The following AKT3 variants were observed in gnomAD, a reference collection of about 807,000 sequenced individuals.
AKT3 encodes RAC-gamma serine/threonine-protein kinase.
A neutral mutation model predicts 65.3 loss-of-function variants in AKT3; 15 were observed. That is an observed-to-expected ratio of 0.23 (90% CI 0.15 to 0.35). The LOEUF is 0.35. AKT3 is among the 10% of genes least tolerant of loss of function. AKT3 has a pLI of 1.00. For synonymous variants in AKT3, 206 were observed against 183.8 expected (o/e 1.12, Z -0.98); for missense variants, 243 against 576.5 (o/e 0.42, Z 5.92).
intron 8 of AKT3, among the ~76,000 whole-genome samples, chr1:243,590,932 T>G (rs538664420): frequency 6.6e-6 from 1 of 152,298 alleles, no homozygotes; most frequent in South Asian, 2.1e-4. Context: ...AATAAGGTGA[T>G]AGTTATGATT....
At chr1:243,828,977 G>A (rs963574184) in intron 2 of AKT3, among the ~76,000 whole-genome samples, 3 of 152,112 alleles carry the variant, frequency 2.0e-5, no homozygotes, top group South Asian at 2.1e-4. Flanking sequence ...AAGTGATTAC[G>A]GTATCATTTA....
At chr1:243,744,895 T>C (rs1688386128) in intron 2 of AKT3, among the ~76,000 whole-genome samples, 1 of 152,128 alleles carries the variant, frequency 6.6e-6, no homozygotes, top group Non-Finnish European at 1.5e-5. Context: ...GGGATCTCAT[T>C]TGTGATCACT....
chr1:243,747,450 C>T (rs952108158), intron 2 of AKT3, among the ~76,000 whole-genome samples: 3 of 152,078 alleles, frequency 2.0e-5, no homozygotes, highest in African/African-American at 4.8e-5. Flanking sequence ...ACTGCTTCAA[C>T]AAAATTTGGG....
chr1:243,725,825 C>T (rs1392297006), intron 2 of AKT3, among the ~76,000 whole-genome samples: 1 of 152,144 alleles, frequency 6.6e-6, no homozygotes, highest in Non-Finnish European at 1.5e-5. Context: ...ATATACATGG[C>T]TAAAAGATGT....
chr1:243,668,431 A>G (rs1243998957), intron 3 of AKT3, among the ~76,000 whole-genome samples: 1 of 152,212 alleles, frequency 6.6e-6, no homozygotes, highest in Non-Finnish European at 1.5e-5. Flanking sequence ...TTATTTTCTC[A>G]CTGCTTCTGT....
intron 8 of AKT3, among the ~76,000 whole-genome samples, chr1:243,576,085 G>A (rs2148514122): frequency 6.6e-6 from 1 of 152,122 alleles, no homozygotes; most frequent in African/African-American, 2.4e-5. Flanking sequence ...ATCCACATAT[G>A]CAAATCAATG....
chr1:243,681,862 GT>G (rs1683942814), intron 3 of AKT3, among the ~76,000 whole-genome samples: 1 of 151,732 alleles, frequency 6.6e-6, no homozygotes, highest in Non-Finnish European at 1.5e-5. Flanking sequence ...TGTTTTTCAT[GT>G]GATGACAAAA....
At chr1:243,553,733 T>A (rs1673228588) in intron 10 of AKT3, among the ~76,000 whole-genome samples, 3 of 152,194 alleles carry the variant, frequency 2.0e-5, no homozygotes, top group Admixed American at 1.3e-4. Flanking sequence ...CGTTTGCCTA[T>A]GCTGGAGCAA....
intron 3 of AKT3, among the ~76,000 whole-genome samples, chr1:243,694,538 T>C (rs1270065095): frequency 6.6e-6 from 1 of 152,026 alleles, no homozygotes; most frequent in South Asian, 2.1e-4. Context: ...CTTTTTTTTT[T>C]AAGTTAGTAT....
chr1:243,651,268 G>A (rs189640835), intron 4 of AKT3, among the ~76,000 whole-genome samples: 21 of 152,274 alleles, frequency 1.4e-4, no homozygotes, highest in Admixed American at 1.3e-3. Context: ...TGCCGAAGTT[G>A]CATATCAGCT....
chr1:243,593,250 A>G (rs1277528044), intron 8 of AKT3, among the ~76,000 whole-genome samples: 3 of 152,254 alleles, frequency 2.0e-5, no homozygotes, highest in Non-Finnish European at 2.9e-5. Context: ...ATATCCCTCA[A>G]AATCATAGAT....
At chr1:243,629,005 G>A (rs1189013898) in intron 6 of AKT3, among the ~76,000 whole-genome samples, 1 of 152,212 alleles carries the variant, frequency 6.6e-6, no homozygotes, top group Non-Finnish European at 1.5e-5. Flanking sequence ...TGCCAGGCAT[G>A]GTGGCTCACG....
At chr1:243,826,726 C>T (rs554591263) in intron 2 of AKT3, among the ~76,000 whole-genome samples, 12 of 152,212 alleles carry the variant, frequency 7.9e-5, no homozygotes, top group East Asian at 5.8e-4. Context: ...CCACCTATAC[C>T]CTTAAGTGGA....
At chr1:243,664,385 T>C (rs956564663) in intron 4 of AKT3, among the ~76,000 whole-genome samples, 4 of 151,616 alleles carry the variant, frequency 2.6e-5, no homozygotes, top group Admixed American at 1.3e-4. Flanking sequence ...TGTGTTTTTT[T>C]AGTAGCGACA....
rs192636881 is a variant in AKT3, at chr1:243,757,919, T to C, written c.47-62203A>G. On this transcript the variant is annotated intron_variant, in intron 2 of 13. Transcript: ENST00000673466. ...GGGACTACAGGTACACGCCACCACA[T>C]CCAGCTAATTTTTTTGTATTTTCAG... 4.5e-3 allele frequency among the ~76,000 whole-genome samples: 680 copies of C among 151,980 alleles called. 4 individuals are homozygous for C. Among genetic ancestry groups the C allele is most frequent in the Non-Finnish European group, 6.8e-3 (460 of 67,970 alleles).
intron 3 of AKT3, among the ~76,000 whole-genome samples, chr1:243,666,891 T>C (rs1682821530): frequency 6.6e-6 from 1 of 152,086 alleles, no homozygotes. Context: ...CATGATGAGA[T>C]GAGAAAACAC....
At chr1:243,545,285 T>C (rs994689068) in intron 12 of AKT3, among the ~76,000 whole-genome samples, 6 of 151,978 alleles carry the variant, frequency 3.9e-5, no homozygotes, top group Non-Finnish European at 7.4e-5. Context: ...GGGAAAAAAA[T>C]AGAAAAATTC....
intron 5 of AKT3, among the ~76,000 whole-genome samples, chr1:243,643,514 T>G (rs958077952): frequency 6.6e-6 from 1 of 152,254 alleles, no homozygotes; most frequent in African/African-American, 2.4e-5. Context: ...AAACGCTATC[T>G]TTTAATTAAA....
At chr1:243,516,124 G>A (rs911400319) in intron 12 of AKT3, among the ~76,000 whole-genome samples, 1 of 152,170 alleles carries the variant, frequency 6.6e-6, no homozygotes, top group African/African-American at 2.4e-5. Flanking sequence ...GACTTCGTTG[G>A]TGAAAATATG....
Sources: gnomAD v4.1 joint callset for allele counts (sites outside exome capture counted in the v4.1 genomes callset) on GRCh38, gnomAD v4.1.1 for gene constraint, MANE v1.5 for transcripts, NCBI Gene and HGNC (gene_info 2026-07-23, HGNC 2026-07-21) for gene names.